PRDM11: variants seen among roughly 807,000 people sequenced by gnomAD.
The protein encoded by PRDM11 is PR domain-containing protein 11.
A neutral mutation model predicts 97.8 loss-of-function variants in PRDM11; 20 were observed. That is an observed-to-expected ratio of 0.20 (90% CI 0.14 to 0.30). The LOEUF is 0.30. Among genes scored for constraint, PRDM11 ranks in the 10% least tolerant of loss-of-function variants. The pLI, the probability that PRDM11 is intolerant of heterozygous loss-of-function variation, is 1.00. For synonymous variants in PRDM11, 599 were observed against 637.7 expected, an observed-to-expected ratio of 0.94 and a Z score of 0.91; for missense variants, 1,139 against 1,555.2, an observed-to-expected ratio of 0.73 and a Z score of 4.50.
chr11:45,128,291 C>A (rs1440047293), intron 1 of PRDM11, among the ~76,000 whole-genome samples: 1 of 152,240 alleles, frequency 6.6e-6, no homozygotes, highest in Admixed American at 6.5e-5. Flanking sequence ...TGACCCCTTG[C>A]ACTTCCTGAG....
chr11:45,109,614 C>T (rs1031490426), intron 1 of PRDM11, among the ~76,000 whole-genome samples: 2 of 152,092 alleles, frequency 1.3e-5, no homozygotes, highest in African/African-American at 4.8e-5. Context: ...TGGGCCACAA[C>T]CAAGACTGAG....
At chr11:45,110,900 T>C (rs1227670405) in intron 1 of PRDM11, among the ~76,000 whole-genome samples, 1 of 152,166 alleles carries the variant, frequency 6.6e-6, no homozygotes, top group African/African-American at 2.4e-5. Flanking sequence ...CAATCAGCTC[T>C]CCAGATTCCA....
chr11:45,148,885 C>G (rs1851591896), intron 1 of PRDM11, among the ~76,000 whole-genome samples: 1 of 152,108 alleles, frequency 6.6e-6, no homozygotes, highest in Non-Finnish European at 1.5e-5. Context: ...TCTTGGCTGT[C>G]TCATAGGCAT....
At chr11:45,192,870 T>C (rs1852965304) in intron 4 of PRDM11, among the ~76,000 whole-genome samples, 1 of 152,230 alleles carries the variant, frequency 6.6e-6, no homozygotes, top group African/African-American at 2.4e-5. Context: ...CTCAACATAA[T>C]ACACATTAAC....
At chr11:45,192,135 A>G (rs544907511) in intron 4 of PRDM11, among the ~76,000 whole-genome samples, 2 of 152,276 alleles carry the variant, frequency 1.3e-5, no homozygotes, top group South Asian at 2.1e-4. Context: ...AAACTGAGGG[A>G]ACGCAGCATA....
chr11:45,202,640 C>T (rs928213418), intron 4 of PRDM11, among the ~76,000 whole-genome samples: 1 of 152,146 alleles, frequency 6.6e-6, no homozygotes, highest in Non-Finnish European at 1.5e-5. Flanking sequence ...GGCTTCCCAC[C>T]ATCTCTAGGA....
intron 1 of PRDM11, among the ~76,000 whole-genome samples, chr11:45,150,743 A>C (rs1005707354): frequency 2.0e-5 from 3 of 152,204 alleles, no homozygotes; most frequent in Non-Finnish European, 4.4e-5. Context: ...TATATGATTC[A>C]GTGAAGGGGC....
chr11:45,208,292 G>C (rs1462313417), intron 5 of PRDM11, among the ~76,000 whole-genome samples: 1 of 152,190 alleles, frequency 6.6e-6, no homozygotes, highest in Non-Finnish European at 1.5e-5. Flanking sequence ...GGCAGAATAA[G>C]CTTTCTGTGG....
intron 1 of PRDM11, among the ~76,000 whole-genome samples, chr11:45,150,553 G>A (rs1487265230): frequency 6.6e-6 from 1 of 152,218 alleles, no homozygotes; most frequent in African/African-American, 2.4e-5. Flanking sequence ...CCAGCTGGAA[G>A]GAGGTGTTAG....
rs1191008824 is a variant in PRDM11 at position 45,134,701 on chromosome 11, G to GAA, written c.96+38824_96+38825dup. ...GCAACAGAGTGAGACCCTGTCTCAC[G>GAA]AAAAAAAAAAAAAAAAAAAAAAAAA... is the stretch of plus-strand genomic sequence containing the variant. On this transcript the variant is annotated intron_variant, in intron 1 of 6. Transcript: ENST00000530656. Among the ~76,000 whole-genome samples, 48 of 44,264 alleles carry GAA rather than the reference G, an allele frequency of 1.1e-3. 4 individuals carry two copies. Among genetic ancestry groups the GAA allele is most frequent in the African/African-American group, 3.1e-3 (29 of 9,398 alleles). 29.0% of individuals were successfully genotyped at this position (44,264 alleles called of 152,430 possible). A position where few individuals can be genotyped will look rare whatever the true frequency, so the allele number is the denominator to read the frequency against.
intron 1 of PRDM11, among the ~76,000 whole-genome samples, chr11:45,173,360 G>A (rs1200617568): frequency 2.0e-5 from 3 of 152,134 alleles, no homozygotes; most frequent in African/African-American, 2.4e-5. Flanking sequence ...GGTAGCTCAC[G>A]CCTGTAATCC....
intron 4 of PRDM11, among the ~76,000 whole-genome samples, chr11:45,187,883 G>A (rs996389453): frequency 2.0e-5 from 3 of 151,982 alleles, no homozygotes; most frequent in East Asian, 1.9e-4. Context: ...AAAAGCAGGC[G>A]TGAAGAACGG....
At chr11:45,118,416 A>G (rs1443377945) in intron 1 of PRDM11, among the ~76,000 whole-genome samples, 1 of 152,236 alleles carries the variant, frequency 6.6e-6, no homozygotes, top group Non-Finnish European at 1.5e-5. Flanking sequence ...CTGTAAATCT[A>G]AAACTTCAAA....
intron 1 of PRDM11, among the ~76,000 whole-genome samples, chr11:45,103,464 C>T (rs1196913302): frequency 6.6e-6 from 1 of 152,128 alleles, no homozygotes; most frequent in Non-Finnish European, 1.5e-5. Context: ...AATCTAGGCC[C>T]TACCGTTTTG....
At chr11:45,135,652 GGAGAT>G (rs1228733940) in intron 1 of PRDM11, among the ~76,000 whole-genome samples, 1 of 152,116 alleles carries the variant, frequency 6.6e-6, no homozygotes, top group Non-Finnish European at 1.5e-5. Context: ...AAACTTCACT[GGAGAT>G]CATAAAAGAA....
intron 1 of PRDM11, among the ~76,000 whole-genome samples, chr11:45,134,318 G>A (rs1175516502): frequency 1.3e-5 from 2 of 152,036 alleles, no homozygotes; most frequent in Non-Finnish European, 2.9e-5. Flanking sequence ...CGTACTCCCC[G>A]ACAAAATAAT....
intron 1 of PRDM11, among the ~76,000 whole-genome samples, chr11:45,178,322 C>T (rs1852379069): frequency 6.6e-6 from 1 of 152,134 alleles, no homozygotes; most frequent in Non-Finnish European, 1.5e-5. Flanking sequence ...CACTAAGGCC[C>T]TAGAAAGTGT....
rs534979300 is a variant in PRDM11 at position 45,232,247 on chromosome 11, C to T, written c.*4088C>T. On this transcript the variant is annotated 3_prime_UTR_variant, in exon 8 of 8. Coordinates refer to ENST00000683152, the MANE Select transcript of PRDM11 (RefSeq NM_001384648.1). ...GCCCACAGCCCTGGCCCAGCCGGCA[C>T]TGAGGGGCTGGTGCCATGTTACTTG... 6.6e-6 allele frequency: 1 copy of T among 152,322 alleles called. No homozygotes were observed. The highest frequency in any genetic ancestry group is 2.4e-5 in the African/African-American group (1 of 41,562). The allele number at this position is 152,322 out of a possible 1,614,324, so 9.4% of individuals were successfully genotyped here.
chr11:45,223,336 A>G (rs960971591), intron 6 of PRDM11, among the ~76,000 whole-genome samples: 1 of 152,236 alleles, frequency 6.6e-6, no homozygotes, highest in African/African-American at 2.4e-5. Flanking sequence ...GAATCAGTCT[A>G]AAATAATTTA....
Sources: allele counts gnomAD v4.1 joint callset (sites outside exome capture counted in the v4.1 genomes callset), GRCh38; gene constraint gnomAD v4.1.1; transcripts MANE v1.5; gene names NCBI Gene and HGNC (gene_info 2026-07-23, HGNC 2026-07-21).